The following RBM48 variants were observed in gnomAD, a reference collection of about 807,000 sequenced individuals.
The protein encoded by RBM48 is RNA-binding protein 48.
In RBM48, 32 loss-of-function variants were observed where a neutral mutation model predicts 34.8. That is an observed-to-expected ratio of 0.92 (90% confidence interval 0.69 to 1.23). The LOEUF (loss-of-function observed/expected upper bound fraction) is 1.23, where lower values mean the gene tolerates loss of function less well. Among genes scored for constraint, RBM48 ranks in the 50% most tolerant of loss-of-function variants. The probability of loss-of-function intolerance (pLI) is 0.00; values close to 1 mark genes in which losing one functional copy is unlikely to be tolerated. For missense variants in RBM48, 441 were observed against 447.2 expected, an observed-to-expected ratio of 0.99 and a Z score of 0.12; for synonymous variants, 151 against 156.2, an observed-to-expected ratio of 0.97 and a Z score of 0.25.
Position 92,538,514 on chromosome 7 carries a change from T to C in RBM48, c.*1577T>C, listed in dbSNP as rs1793780743. On this transcript the variant is annotated 3_prime_UTR_variant, in exon 5 of 5. Coordinates refer to ENST00000265732, the MANE Select transcript of RBM48 (RefSeq NM_032120.4). Reference sequence around the variant, plus strand: ...AACTAGGATGGCTCCAAGTGGTAGATGGTACTAACAGCAAGCTGCAGATAA... The same window carrying C: ...AACTAGGATGGCTCCAAGTGGTAGACGGTACTAACAGCAAGCTGCAGATAA... Among the ~76,000 whole-genome samples, 1 of 152,182 alleles carries C rather than the reference T, an allele frequency of 6.6e-6. No individual in the cohort carries two copies. Among genetic ancestry groups the C allele is most frequent in the Non-Finnish European group, 1.5e-5 (1 of 68,028 alleles).
intron 1 of RBM48, 92 bp downstream of exon 1, chr7:92,529,016 A>G: frequency 1.1e-6 from 1 of 932,268 alleles, no homozygotes; most frequent in South Asian, 1.4e-5. Context: ...AGGCACGACA[A>G]GGCTTCCGTC....
chr7:92,538,262 T>C lies in RBM48; in HGVS notation c.*1325T>C, dbSNP rs547831257. On this transcript the variant is annotated 3_prime_UTR_variant, in exon 5 of 5. Transcript: ENST00000265732. ...CCTGGTCCTTTTAAGGGCTTACAAC[T>C]GTAAGAGGGTCTGCGTGAAAGGGTT... 9.2e-5 allele frequency among the ~76,000 whole-genome samples: 14 copies of C among 151,862 alleles called. No individual in the cohort carries two copies. In the South Asian group the frequency reaches 2.5e-3, roughly 27 times the overall value.
chr7:92,534,471 A>T lies in RBM48; in HGVS notation c.518A>T (p.His173Leu). The T allele has an allele frequency of 6.2e-7, 1 of 1,614,056 alleles. No homozygotes were observed. ...ACAGAGGATTTTAGACAAGACTTCC[A>T]CTCAGAGATGTCTGGATTTTGTAAA... The part of the protein sequence containing the change: ...KDTEDFRQDF[H>L]SEMSGFCKAA... Residue 173 changes from histidine (H) to leucine (L), a missense_variant, in exon 4 of 5, where the codon CAC (histidine) becomes CTC (leucine). By Grantham distance (99) the His-to-Leu change is moderately conservative. Transcript: ENST00000265732.
rs553216579 is a variant in RBM48, at chr7:92,528,938, G to C, written c.111+14G>C. On this transcript the variant is annotated intron_variant, in intron 1 of 4. Transcript: ENST00000265732. The stretch of plus-strand genomic sequence containing the variant: ...CGTGCTGTGAAGGTAAAGTGATTTT[G>C]GTTTCATTCGCTCTCCTCGGTAGCT... 1 of 1,588,630 alleles carries C rather than the reference G, an allele frequency of 6.3e-7. No individual in the cohort carries two copies. The highest frequency in any genetic ancestry group is 8.6e-7 in the Non-Finnish European group (1 of 1,158,484).
intron 2 of RBM48, 41 bp downstream of exon 2, chr7:92,529,707 T>G (rs370525105): frequency 5.4e-6 from 7 of 1,305,508 alleles, no homozygotes; most frequent in East Asian, 2.4e-5. Context: ...CCTCATTTCT[T>G]CCATTCATAT....
Position 92,534,677 on chromosome 7 carries a change from G to C in RBM48, c.724G>C (p.Asp242His). 1.2e-6 allele frequency: 2 copies of C among 1,614,156 alleles called. No individual in the cohort carries two copies. The highest frequency in any genetic ancestry group is 8.5e-7 in the Non-Finnish European group (1 of 1,180,016). The change falls in exon 4 of 5, where the codon GAC (aspartate) becomes CAC (histidine). Residue 242 changes from aspartate (D) to histidine (H), a missense_variant. Asp to His is a moderately conservative substitution (Grantham distance 81). Coordinates refer to ENST00000265732, the MANE Select transcript of RBM48 (RefSeq NM_032120.4). ...AACAATGGGGCATTATAACCACAAT[G>C]ACTCTTTGCGGAAAACACAGATAAA... ...HKTMGHYNHN[D>H]SLRKTQINSL...
At chr7:92,534,321 T>A (rs760100307) in intron 3 of RBM48, 81 bp from the exon 4 acceptor site, 48 of 1,474,102 alleles carry the variant, frequency 3.3e-5, no homozygotes, top group African/African-American at 2.1e-4. Flanking sequence ...GTGATTTTTT[T>A]AAATTATATG....
In RBM48 at chr7:92,532,404, G is replaced by T. The variant is rs1467361080; in HGVS notation, c.303G>T (p.Arg101Ser). The change falls in exon 3 of 5, where the codon AGG becomes AGT. Residue 101 changes from arginine to serine, a missense_variant and splice_region_variant. Transcript: ENST00000265732. ...TATGCTATCTTGTATTTCCATTCAG[G>T]ACAGCCAAGAGAAAAATGGATGAAC... ...LIKFMNLQSA[R>S]TAKRKMDEQS... 1.9e-6 allele frequency: 3 copies of T among 1,607,610 alleles called. No homozygotes were observed. The African/African-American group carries it at 4.0e-5, about 22-fold the overall frequency.
chr7:92,535,287 G>A (rs1354114349), intron 4 of RBM48: 1 of 1,247,516 alleles, frequency 8.0e-7, no homozygotes, highest in Admixed American at 3.9e-5. Flanking sequence ...AGCTCCCCAG[G>A]TAGTTCTAAT....
At chr7:92,535,313 G>C (rs1793683593) in intron 4 of RBM48, 1 of 1,184,148 alleles carries the variant, frequency 8.4e-7, no homozygotes, top group East Asian at 3.7e-5. Flanking sequence ...CCAAAGTTGA[G>C]AAGCAAAAGT....
chr7:92,532,297 G>A, intron 2 of RBM48, 107 bp from the exon 3 acceptor site: 1 of 887,084 alleles, frequency 1.1e-6, no homozygotes, highest in Non-Finnish European at 1.8e-6. Flanking sequence ...TATACACGTA[G>A]CAAAAGCTGG....
Position 92,539,073 on chromosome 7 carries a change from GGTGCTGC to G in RBM48, c.*2137_*2143del, listed in dbSNP as rs1793796804. 6.6e-6 allele frequency among the ~76,000 whole-genome samples: 1 copy of G among 152,184 alleles called. No individual in the cohort carries two copies. Among genetic ancestry groups the G allele is most frequent in the African/African-American group, 2.4e-5 (1 of 41,442 alleles). On this transcript the variant is annotated 3_prime_UTR_variant, in exon 5 of 5. Coordinates refer to ENST00000265732, the MANE Select transcript of RBM48 (RefSeq NM_032120.4). ...ATTCTGCATTTTTCCCAAGTCCCTA[GGTGCTGC>G]CAGTGCTGCTGGTGCACAGACCATC... is the stretch of plus-strand genomic sequence containing the variant.
chr7:92,528,951 C>G, intron 1 of RBM48, 27 bp downstream of exon 1: 3 of 1,531,170 alleles, frequency 2.0e-6, no homozygotes, highest in Non-Finnish European at 9.0e-7. Context: ...TTCATTCGCT[C>G]TCCTCGGTAG....
In RBM48 at chr7:92,533,105, A is replaced by G. The variant is rs146599585; in HGVS notation, c.448+556A>G. On this transcript the variant is annotated intron_variant, in intron 3 of 4. Coordinates refer to ENST00000265732, the MANE Select transcript of RBM48 (RefSeq NM_032120.4). ...CTACTTTTGACCAGCAATTGGCTAA[A>G]TGCCCCCACATGCCTGTTCTACCAC... Among the ~76,000 whole-genome samples, 64 of 152,354 alleles carry G rather than the reference A, an allele frequency of 4.2e-4. 1 individual carries two copies. The East Asian group carries it at 0.011, about 26-fold the overall frequency.
rs1301686842 is a variant in RBM48 at position 92,540,319 on chromosome 7, T to C, written c.*3382T>C. ...ACACCTCCAACAGAAGTCTGTCTTC[T>C]CTTACTGTTTTTCAAAGTCTGCAAG... On this transcript the variant is annotated 3_prime_UTR_variant, in exon 5 of 5. Transcript: ENST00000265732. The C allele has an allele frequency of 6.6e-6, 1 of 152,238 alleles. No homozygotes were observed. Among genetic ancestry groups the C allele is most frequent in the Non-Finnish European group, 1.5e-5 (1 of 68,040 alleles). The allele number at this position is 152,238 out of a possible 1,614,324, so 9.4% of individuals were successfully genotyped here.
At chr7:92,532,800 A>G (rs1206070384) in intron 3 of RBM48, among the ~76,000 whole-genome samples, 12 of 152,244 alleles carry the variant, frequency 7.9e-5, no homozygotes, top group Non-Finnish European at 1.5e-5. Context: ...CGTTAACTAA[A>G]TGGGAGAGGA....
At position 92,538,658 on chromosome 7, in the gene RBM48, C is replaced by T. The variant is rs1793784225; in HGVS notation, c.*1721C>T. Among the ~76,000 whole-genome samples the T allele has an allele frequency of 1.3e-5, 2 of 152,184 alleles. No homozygotes were observed. The highest frequency in any genetic ancestry group is 4.1e-4 in the South Asian group (2 of 4,830). On this transcript the variant is annotated 3_prime_UTR_variant, in exon 5 of 5. Coordinates refer to ENST00000265732, the MANE Select transcript of RBM48 (RefSeq NM_032120.4). Reference sequence around the variant, plus strand: ...GGAAGGAGCAAATTGCTGTCTGGTTCAGGCTTCTCAGACTATAAGTTGCTA... The same window carrying T: ...GGAAGGAGCAAATTGCTGTCTGGTTTAGGCTTCTCAGACTATAAGTTGCTA...
At position 92,538,711 on chromosome 7, in the gene RBM48, A is replaced by G. The variant is rs1793785306; in HGVS notation, c.*1774A>G. ...ATCTCCACCTCAGGATCTTGTTAAA[A>G]TGCAGATTCTGGTGGTGGTGGTGGC... On this transcript the variant is annotated 3_prime_UTR_variant, in exon 5 of 5. Coordinates refer to ENST00000265732, the MANE Select transcript of RBM48 (RefSeq NM_032120.4). Among the ~76,000 whole-genome samples the G allele has an allele frequency of 6.6e-6, 1 of 152,216 alleles. No individual in the cohort carries two copies.
At chr7:92,535,752 AT>A in intron 4 of RBM48, 1 of 976,360 alleles carries the variant, frequency 1.0e-6, no homozygotes, top group Non-Finnish European at 1.2e-6. Flanking sequence ...AATTTCATAT[AT>A]GTACATTTTT....
Sources: allele counts gnomAD v4.1 joint callset (sites outside exome capture counted in the v4.1 genomes callset), GRCh38; gene constraint gnomAD v4.1.1; transcripts MANE v1.5; gene names NCBI Gene and HGNC (gene_info 2026-07-23, HGNC 2026-07-21).